Variants in CTSH observed in about 807,000 individuals in gnomAD.
The protein encoded by CTSH is cathepsin H.
In CTSH, 52 loss-of-function variants were observed where a neutral mutation model predicts 56.3. The ratio of observed to expected loss-of-function variants is 0.92; its 90% CI spans 0.74 to 1.16. CTSH has a LOEUF of 1.16. Among genes scored for constraint, CTSH ranks in the 50% most tolerant of loss-of-function variants. CTSH has a pLI of 0.00. For missense variants in CTSH, 406 were observed against 424.5 expected (o/e 0.96, Z 0.38); for synonymous variants, 174 against 155.7 (o/e 1.12, Z -0.88).
At chr15:78,937,549 GT>G in intron 2 of CTSH, 126 bp from the exon 3 acceptor site, 1 of 1,336,730 alleles carries the variant, frequency 7.5e-7, no homozygotes. Flanking sequence ...GGCCAAATCT[GT>G]GTTAATGGGC....
In CTSH at chr15:78,945,026, T is replaced by C. The variant is rs1340607919; in HGVS notation, c.-45A>G. ...CTCTTGCGCTCAGGGTCCGCGGAGG[T>C]GGCGGCCCAGAGCGTCAACTGGGAG... is the stretch of plus-strand genomic sequence containing the variant. On this transcript the variant is annotated 5_prime_UTR_variant, in exon 1 of 12. Transcript: ENST00000220166. The C allele has an allele frequency of 3.4e-5, 49 of 1,441,808 alleles. No individual in the cohort carries two copies. The highest frequency in any genetic ancestry group is 1.4e-4 in the African/African-American group (9 of 64,814). 89.3% of individuals were successfully genotyped at this position (1,441,808 alleles called of 1,614,324 possible).
chr15:78,938,018 T>C (rs1208991048), intron 2 of CTSH, among the ~76,000 whole-genome samples: 1 of 152,216 alleles, frequency 6.6e-6, no homozygotes, highest in Admixed American at 6.5e-5. Flanking sequence ...TACAAAATAA[T>C]GATTGCTTAC....
chr15:78,934,780 T>C (rs1288395252), intron 5 of CTSH, 198 bp downstream of exon 5: 12 of 668,566 alleles, frequency 1.8e-5, no homozygotes, highest in Non-Finnish European at 2.8e-5. Flanking sequence ...AGAGGAACTT[T>C]TGCATCCTCC....
intron 3 of CTSH, among the ~76,000 whole-genome samples, chr15:78,936,175 CTTTTCTTTTT>C (rs2055171146): frequency 7.6e-6 from 1 of 130,780 alleles, no homozygotes. Flanking sequence ...TTTTTCTTTT[CTTTTCTTTTT>C]TTTTTTTTTT....
At chr15:78,937,163 G>A (rs953718644) in intron 3 of CTSH, 155 bp downstream of exon 3, 17 of 634,526 alleles carry the variant, frequency 2.7e-5, no homozygotes, top group Non-Finnish European at 4.2e-5. Flanking sequence ...ACATTACACA[G>A]AGAGTAACAG....
intron 9 of CTSH, chr15:78,926,980 A>AGTGTGTG: frequency 6.6e-6 from 1 of 152,292 alleles, no homozygotes; most frequent in Non-Finnish European, 1.5e-5. Context: ...CTGTACATAC[A>AGTGTGTG]TTCGTGGGCG....
At position 78,934,785 on chromosome 15, in the gene CTSH, T is replaced by A. The variant is rs1475908340; in HGVS notation, c.405+193A>T. The A allele has an allele frequency of 4.5e-6, 3 of 672,824 alleles. No individual in the cohort carries two copies. In the African/African-American group the frequency reaches 5.4e-5, roughly 12 times the overall value. 41.7% of individuals were successfully genotyped at this position (672,824 alleles called of 1,614,324 possible). On this transcript the variant is annotated intron_variant, in intron 5 of 11. Transcript: ENST00000220166. The stretch of plus-strand genomic sequence containing the variant: ...AGCCCAATAAAGAGGAACTTTTGCA[T>A]CCTCCAGAGCAGCCTAGAGAAGTGC...
chr15:78,934,846 G>A (rs1414606447), intron 5 of CTSH, 132 bp downstream of exon 5: 1 of 727,410 alleles, frequency 1.4e-6, no homozygotes, highest in East Asian at 2.7e-5. Flanking sequence ...GAGGGCTGGA[G>A]AGATGCCGAG....
rs532381869 is a variant in CTSH at position 78,935,144 on chromosome 15, C to G, written c.301-62G>C. The G allele has an allele frequency of 1.3e-4, 151 of 1,123,892 alleles. 1 individual carries two copies. The highest frequency in any genetic ancestry group is 6.6e-4 in the East Asian group (28 of 42,578). The allele number at this position is 1,123,892 out of a possible 1,614,324, so 69.6% of individuals were successfully genotyped here. A position where few individuals can be genotyped will look rare whatever the true frequency, so the allele number is the denominator to read the frequency against. ...ACAAAACCAAAAACCTTTCTGACAA[C>G]AAGAAGAAGAAATGTATAAACATGG... On this transcript the variant is annotated intron_variant, in intron 4 of 11. Transcript: ENST00000220166.
intron 10 of CTSH, 51 bp from the exon 11 acceptor site, chr15:78,923,169 A>G (rs760056552): frequency 1.2e-6 from 2 of 1,602,742 alleles, no homozygotes; most frequent in East Asian, 2.2e-5. Flanking sequence ...GATAAAAGCA[A>G]TGACAGTCCC....
At chr15:78,936,338 T>C (rs1169225969) in intron 3 of CTSH, among the ~76,000 whole-genome samples, 1 of 150,854 alleles carries the variant, frequency 6.6e-6, no homozygotes, top group Non-Finnish European at 1.5e-5. Flanking sequence ...CCTGCCACCA[T>C]GCCCGGCTAA....
chr15:78,924,532 G>A (rs1172533101), intron 10 of CTSH, among the ~76,000 whole-genome samples: 3 of 152,124 alleles, frequency 2.0e-5, no homozygotes, highest in Non-Finnish European at 4.4e-5. Flanking sequence ...CTGCAAACCA[G>A]GCAGGCGAAA....
chr15:78,932,583 C>G, intron 5 of CTSH, 125 bp from the exon 6 acceptor site: 1 of 678,090 alleles, frequency 1.5e-6, no homozygotes, highest in South Asian at 1.8e-5. Context: ...GGCAGTTTAC[C>G]AAGCCCTGTT....
At chr15:78,936,863 A>C (rs1025208975) in intron 3 of CTSH, among the ~76,000 whole-genome samples, 1 of 152,166 alleles carries the variant, frequency 6.6e-6, no homozygotes, top group Admixed American at 6.5e-5. Flanking sequence ...TCCCAACCTC[A>C]GGTGATCCAC....
intron 10 of CTSH, 98 bp from the exon 11 acceptor site, chr15:78,923,216 T>G: frequency 5.9e-6 from 8 of 1,365,342 alleles, no homozygotes; most frequent in Non-Finnish European, 7.2e-6. Context: ...TAGAGCAATG[T>G]TCCCCACAGC....
rs1329391549 is a variant in CTSH at position 78,922,158 on chromosome 15, C to G, written c.980G>C (p.Cys327Ser). The change falls in exon 12 of 12, where the codon TGC (cysteine) becomes TCC (serine). Residue 327 changes from cysteine to serine, a missense_variant. Physicochemically the swap from Cys to Ser is moderately radical, Grantham distance 112. Coordinates refer to ENST00000220166, the MANE Select transcript of CTSH (RefSeq NM_004390.5). ...RGKNMCGLAA[C>S]ASYPIPLV Reference sequence around the variant, plus strand: ...CACCAGAGGGATGGGGTAGGAGGCGCAGGCAGCCAGGCCACACATGTTCTT... The same window carrying G: ...CACCAGAGGGATGGGGTAGGAGGCGGAGGCAGCCAGGCCACACATGTTCTT... The G allele has an allele frequency of 6.3e-7, 1 of 1,580,258 alleles. No homozygotes were observed. The highest frequency in any genetic ancestry group is 8.6e-7 in the Non-Finnish European group (1 of 1,163,954).
chr15:78,937,593 A>G, intron 2 of CTSH, 170 bp from the exon 3 acceptor site: 2 of 1,413,626 alleles, frequency 1.4e-6, no homozygotes, highest in Non-Finnish European at 1.9e-6. Flanking sequence ...GAAGTTACAA[A>G]ACAACCCCGT....
intron 1 of CTSH, among the ~76,000 whole-genome samples, chr15:78,942,099 C>T (rs1460357728): frequency 6.6e-6 from 1 of 152,170 alleles, no homozygotes; most frequent in Non-Finnish European, 1.5e-5. Context: ...AAATAAGCAG[C>T]TGGGAATGGA....
chr15:78,944,858 AGCACC>A (rs2055363984), intron 1 of CTSH, 28 bp downstream of exon 1: 1 of 1,541,012 alleles, frequency 6.5e-7, no homozygotes, highest in African/African-American at 1.4e-5. Flanking sequence ...AGGGCCTGCT[AGCACC>A]CTCTCGGGCG....
Sources: gnomAD v4.1 joint callset for allele counts (sites outside exome capture counted in the v4.1 genomes callset) on GRCh38, gnomAD v4.1.1 for gene constraint, MANE v1.5 for transcripts, NCBI Gene and HGNC (gene_info 2026-07-23, HGNC 2026-07-21) for gene names.